Variants in BRINP3 observed in about 807,000 individuals in gnomAD.
BRINP3 encodes BMP/retinoic acid inducible neural specific 3.
A neutral mutation model predicts 71.0 loss-of-function variants in BRINP3; 19 were observed. That is an observed-to-expected ratio of 0.27 (90% CI 0.19 to 0.39). BRINP3 has a LOEUF of 0.39. Ranked by LOEUF, BRINP3 falls within the 10% of genes least tolerant of loss-of-function variation. BRINP3 has a pLI of 1.00. For missense variants in BRINP3, 959 were observed against 940.8 expected, an observed-to-expected ratio of 1.02 and a Z score of -0.25; for synonymous variants, 380 against 337.7, an observed-to-expected ratio of 1.13 and a Z score of -1.37.
chr1:190,335,028 A>G (rs1571779785), intron 2 of BRINP3, among the ~76,000 whole-genome samples: 1 of 151,880 alleles, frequency 6.6e-6, no homozygotes, highest in Non-Finnish European at 1.5e-5. Context: ...TGCCTATTTT[A>G]TATTGTAATT....
chr1:190,192,413 A>T (rs1000100411), intron 6 of BRINP3, among the ~76,000 whole-genome samples: 3 of 152,150 alleles, frequency 2.0e-5, no homozygotes, highest in Admixed American at 6.6e-5. Context: ...AAGAAACATT[A>T]AACTGGTGTT....
chr1:190,454,725 G>A lies in BRINP3; in HGVS notation c.166C>T (p.Arg56Cys), dbSNP rs1354388065. ...ACAAAATCTGTGTATTCCTGTGAGC[G>A]ATGGAAGGGTCCCTTATCAGAGAGG... is the stretch of plus-strand genomic sequence containing the variant. ...WLLSDKGPFH[R>C]SQEYTDFVDR... Residue 56 changes from arginine (R) to cysteine (C), a missense_variant, in exon 2 of 8, where the codon CGC becomes TGC. Arg to Cys is a radical substitution (Grantham distance 180). Transcript: ENST00000367462. The A allele has an allele frequency of 6.8e-6, 11 of 1,614,014 alleles. No homozygotes were observed. The highest frequency in any genetic ancestry group is 4.5e-5 in the East Asian group (2 of 44,870).
intron 3 of BRINP3, among the ~76,000 whole-genome samples, chr1:190,268,427 G>T (rs2102887831): frequency 6.6e-6 from 1 of 152,082 alleles, no homozygotes; most frequent in South Asian, 2.1e-4. Flanking sequence ...TGAAATATAG[G>T]ATCCTAAGCA....
intron 1 of BRINP3, among the ~76,000 whole-genome samples, chr1:190,469,421 G>T (rs371867387): frequency 2.0e-5 from 3 of 150,882 alleles, no homozygotes; most frequent in South Asian, 2.1e-4. Context: ...TAACATGCTT[G>T]GCGTTATATG....
At chr1:190,377,583 T>G (rs1402168369) in intron 2 of BRINP3, among the ~76,000 whole-genome samples, 1 of 148,576 alleles carries the variant, frequency 6.7e-6, no homozygotes, top group African/African-American at 2.4e-5. Context: ...TGTTGCTATT[T>G]ATATATATAC....
intron 6 of BRINP3, among the ~76,000 whole-genome samples, chr1:190,204,147 G>C (rs1233314908): frequency 6.6e-6 from 1 of 151,734 alleles, no homozygotes; most frequent in Non-Finnish European, 1.5e-5. Flanking sequence ...GTTAAATTTT[G>C]CCTTGATGAA....
intron 1 of BRINP3, among the ~76,000 whole-genome samples, chr1:190,468,861 A>C (rs1327743453): frequency 1.3e-5 from 2 of 151,050 alleles, no homozygotes; most frequent in Non-Finnish European, 3.0e-5. Context: ...AATGTCCTTT[A>C]AATTTTTTTT....
chr1:190,187,360 A>G (rs1342962454), intron 6 of BRINP3, among the ~76,000 whole-genome samples: 2 of 152,022 alleles, frequency 1.3e-5, no homozygotes, highest in African/African-American at 4.8e-5. Flanking sequence ...GTTTCCTTTA[A>G]GTGCAGAATA....
chr1:190,187,418 C>T (rs141199057), intron 6 of BRINP3, among the ~76,000 whole-genome samples: 118 of 151,982 alleles, frequency 7.8e-4, no homozygotes, highest in African/African-American at 2.3e-3. Flanking sequence ...GCTTTTGTTG[C>T]CTGTGCTTTT....
chr1:190,418,518 C>T (rs1457299854), intron 2 of BRINP3, among the ~76,000 whole-genome samples: 3 of 152,092 alleles, frequency 2.0e-5, no homozygotes, highest in Admixed American at 6.6e-5. Context: ...TCTCATTACA[C>T]GTATCTGAAC....
At chr1:190,209,985 G>A (rs953542540) in intron 6 of BRINP3, among the ~76,000 whole-genome samples, 1 of 151,998 alleles carries the variant, frequency 6.6e-6, no homozygotes, top group African/African-American at 2.4e-5. Flanking sequence ...GTCATTATAA[G>A]GTAGTATTGC....
chr1:190,169,348 C>T (rs976931041), intron 6 of BRINP3, among the ~76,000 whole-genome samples: 1 of 152,166 alleles, frequency 6.6e-6, no homozygotes, highest in Non-Finnish European at 1.5e-5. Context: ...CTTCAGTGAT[C>T]TGTATTGGTG....
chr1:190,335,049 G>T (rs899447512), intron 2 of BRINP3, among the ~76,000 whole-genome samples: 18 of 151,724 alleles, frequency 1.2e-4, no homozygotes, highest in Non-Finnish European at 2.2e-4. Flanking sequence ...ACTCCCTATT[G>T]CTTTTTCCCT....
intron 2 of BRINP3, among the ~76,000 whole-genome samples, chr1:190,409,150 C>T (rs1185745235): frequency 1.3e-5 from 2 of 151,972 alleles, no homozygotes; most frequent in African/African-American, 4.8e-5. Flanking sequence ...GCCTGTAATC[C>T]CAGCACTTTG....
chr1:190,186,881 C>A (rs16832178), intron 6 of BRINP3, among the ~76,000 whole-genome samples: 18,792 of 151,932 alleles, frequency 0.12, 1,711 homozygotes, highest in South Asian at 0.26. Flanking sequence ...GCCTAGGGAA[C>A]CAGGATTCTA....
chr1:190,387,165 CA>C (rs1209124163), intron 2 of BRINP3, among the ~76,000 whole-genome samples: 2 of 151,828 alleles, frequency 1.3e-5, no homozygotes, highest in Non-Finnish European at 2.9e-5. Context: ...ATTGCTGAAT[CA>C]AAATTCACAA....
chr1:190,172,726 G>A (rs1188614253), intron 6 of BRINP3, among the ~76,000 whole-genome samples: 1 of 152,134 alleles, frequency 6.6e-6, no homozygotes, highest in African/African-American at 2.4e-5. Context: ...AGGCTGACAG[G>A]AAGTGGAAGC....
chr1:190,269,216 T>C (rs1475200193), intron 3 of BRINP3, among the ~76,000 whole-genome samples: 1 of 152,076 alleles, frequency 6.6e-6, no homozygotes, highest in African/African-American at 2.4e-5. Context: ...AAAGATAGAC[T>C]TTTTACTAAG....
intron 2 of BRINP3, among the ~76,000 whole-genome samples, chr1:190,413,383 C>A (rs1282724443): frequency 6.6e-6 from 1 of 152,190 alleles, no homozygotes; most frequent in African/African-American, 2.4e-5. Context: ...GGCCCTAATC[C>A]TTTTAACTTG....
Sources: allele counts gnomAD v4.1 joint callset (sites outside exome capture counted in the v4.1 genomes callset), GRCh38; gene constraint gnomAD v4.1.1; transcripts MANE v1.5; gene names NCBI Gene and HGNC (gene_info 2026-07-23, HGNC 2026-07-21).